The following PRICKLE2 variants were observed in gnomAD, a reference collection of about 807,000 sequenced individuals.
PRICKLE2 encodes the protein prickle planar cell polarity protein 2, also known as prickle-like protein 2.
Under a neutral mutation model 81.4 loss-of-function variants are expected in PRICKLE2, and 21 were observed. That is an observed-to-expected ratio of 0.26 (90% CI 0.18 to 0.37). The LOEUF (loss-of-function observed/expected upper bound fraction) is 0.37. PRICKLE2 is among the 10% of genes least tolerant of loss of function. The pLI is 1.00. For synonymous variants in PRICKLE2, 456 were observed against 421.5 expected, an observed-to-expected ratio of 1.08 and a Z score of -1.00; for missense variants, 940 against 1,109.0, an observed-to-expected ratio of 0.85 and a Z score of 2.16.
intron 2 of PRICKLE2, among the ~76,000 whole-genome samples, chr3:64,170,451 C>T (rs1047142473): frequency 1.3e-5 from 2 of 152,172 alleles, no homozygotes; most frequent in Non-Finnish European, 2.9e-5. Flanking sequence ...TGAGCTATTG[C>T]TGTGGCTACT....
In PRICKLE2 at chr3:64,213,006, C is replaced by T. The variant is rs1289780328; in HGVS notation, c.-41+11904G>A. On this transcript the variant is annotated intron_variant, in intron 1 of 7. Transcript: ENST00000638394. ...GAGCAAGGTAATTTCATTATTATCC[C>T]TACCAAAGGATTATGTATCCTTGAC... Among the ~76,000 whole-genome samples, 8 of 151,888 alleles carry T rather than the reference C, an allele frequency of 5.3e-5. No individual in the cohort carries two copies. The East Asian group carries it at 1.5e-3, about 29-fold the overall frequency.
chr3:64,250,679 G>C (rs575637220), intron 2 of PRICKLE2, among the ~76,000 whole-genome samples: 12 of 152,184 alleles, frequency 7.9e-5, no homozygotes, highest in Non-Finnish European at 1.6e-4. Flanking sequence ...TTGAGATGTT[G>C]AACCTTGCAA....
intron 7 of PRICKLE2, among the ~76,000 whole-genome samples, chr3:64,123,115 C>A (rs1241795450): frequency 6.6e-6 from 1 of 152,140 alleles, no homozygotes; most frequent in Non-Finnish European, 1.5e-5. Context: ...CTGATCCAGC[C>A]ATTAGAAGGA....
chr3:64,106,943 C>CATTT (rs1208462840), intron 7 of PRICKLE2, among the ~76,000 whole-genome samples: 3 of 152,186 alleles, frequency 2.0e-5, no homozygotes, highest in African/African-American at 7.2e-5. Context: ...GATATCAGGT[C>CATTT]ATTTCCCTCT....
At chr3:64,130,347 A>G (rs1404165772) in intron 7 of PRICKLE2, among the ~76,000 whole-genome samples, 1 of 152,164 alleles carries the variant, frequency 6.6e-6, no homozygotes, top group Non-Finnish European at 1.5e-5. Context: ...AGGTGGGGAA[A>G]TTCAGGTTCA....
chr3:64,134,758 G>A (rs2077252453), intron 7 of PRICKLE2, among the ~76,000 whole-genome samples: 1 of 151,332 alleles, frequency 6.6e-6, no homozygotes, highest in African/African-American at 2.4e-5. Flanking sequence ...TAGGCAAAGG[G>A]AATTTCCTCC....
Position 64,239,769 on chromosome 3 carries a change from G to A in PRICKLE2, c.129-40802C>T, listed in dbSNP as rs186971415. Among the ~76,000 whole-genome samples the A allele has an allele frequency of 7.9e-5, 12 of 151,900 alleles. No individual in the cohort carries two copies. In the East Asian group the frequency reaches 1.2e-3, roughly 15 times the overall value. ...AAATAATTATTAAGTGTAAGCATCC[G>A]TCTAATTTCTGAATCGATTTCCTTT... On this transcript the variant is annotated intron_variant, in intron 2 of 8. Coordinates refer to the PRICKLE2 transcript ENST00000295902.
chr3:64,229,025 C>G (rs1257016144), upstream of PRICKLE2, among the ~76,000 whole-genome samples: 1 of 152,098 alleles, frequency 6.6e-6, no homozygotes, highest in Non-Finnish European at 1.5e-5. Context: ...CTAAGCATGA[C>G]ACAAAATCCA....
chr3:64,165,832 T>C (rs1575609764), intron 2 of PRICKLE2, among the ~76,000 whole-genome samples: 1 of 152,178 alleles, frequency 6.6e-6, no homozygotes, highest in Non-Finnish European at 1.5e-5. Context: ...GCAGCAACAC[T>C]GCTGGCTTGT....
At chr3:64,174,205 G>GA (rs1324559990) in intron 2 of PRICKLE2, among the ~76,000 whole-genome samples, 2 of 152,200 alleles carry the variant, frequency 1.3e-5, no homozygotes, top group Admixed American at 1.3e-4. Flanking sequence ...CAGTATAGGA[G>GA]AAAGAAACTG....
chr3:64,108,431 A>T (rs1459772357), intron 7 of PRICKLE2, among the ~76,000 whole-genome samples: 2 of 152,130 alleles, frequency 1.3e-5, no homozygotes, highest in Non-Finnish European at 2.9e-5. Flanking sequence ...AGCTGGAGAG[A>T]TACTGTCATC....
At chr3:64,160,607 T>C (rs1189106054) in intron 3 of PRICKLE2, among the ~76,000 whole-genome samples, 1 of 152,068 alleles carries the variant, frequency 6.6e-6, no homozygotes, top group Non-Finnish European at 1.5e-5. Flanking sequence ...GCCTGAGGAG[T>C]TGGACCAGGC....
At chr3:64,262,785 T>C (rs2079636206) in intron 2 of PRICKLE2, among the ~76,000 whole-genome samples, 1 of 152,170 alleles carries the variant, frequency 6.6e-6, no homozygotes, top group African/African-American at 2.4e-5. Context: ...CCTTGACATC[T>C]CTTAACATAT....
At position 64,242,720 on chromosome 3, in the gene PRICKLE2, C is replaced by T. The variant is rs146835118; in HGVS notation, c.129-43753G>A. Among the ~76,000 whole-genome samples the T allele has an allele frequency of 1.5e-3, 225 of 152,356 alleles. 1 individual carries two copies. Among genetic ancestry groups the T allele is most frequent in the African/African-American group, 5.2e-3 (217 of 41,588 alleles). On this transcript the variant is annotated intron_variant, in intron 2 of 8. Coordinates refer to the PRICKLE2 transcript ENST00000295902. ...CTTTACAGCTGCTTCTCTTTGGGTA[C>T]ACTTCACCCACTCCAGTTCCTGTGT...
In PRICKLE2 at chr3:64,095,351, C is replaced by T. The variant is rs1047479537; in HGVS notation, c.*3700G>A. Reference sequence around the variant, plus strand: ...TGCTTCCTAAACTGTTTTTGTTCTACGGCAAGAGAACCAAGAGTGGAAAGA... The same window carrying T: ...TGCTTCCTAAACTGTTTTTGTTCTATGGCAAGAGAACCAAGAGTGGAAAGA... On this transcript the variant is annotated 3_prime_UTR_variant, in exon 8 of 8. Coordinates refer to ENST00000638394, the MANE Select transcript of PRICKLE2 (RefSeq NM_198859.4). 1.3e-5 allele frequency: 2 copies of T among 152,100 alleles called. No individual in the cohort carries two copies. Among genetic ancestry groups the T allele is most frequent in the African/African-American group, 2.4e-5 (1 of 41,408 alleles). 9.4% of individuals were successfully genotyped at this position (152,100 alleles called of 1,614,324 possible).
chr3:64,133,512 C>T (rs1312145882), intron 7 of PRICKLE2, among the ~76,000 whole-genome samples: 1 of 151,788 alleles, frequency 6.6e-6, no homozygotes, highest in Non-Finnish European at 1.5e-5. Context: ...GTTTCTCATC[C>T]ACAGACTCAG....
intron 2 of PRICKLE2, among the ~76,000 whole-genome samples, chr3:64,187,383 C>T (rs1303953986): frequency 6.6e-6 from 1 of 152,220 alleles, no homozygotes; most frequent in Non-Finnish European, 1.5e-5. Context: ...AAGCCTCCTC[C>T]TGCCCTGCCC....
chr3:64,114,217 C>G (rs140291713), intron 7 of PRICKLE2, among the ~76,000 whole-genome samples: 2 of 151,256 alleles, frequency 1.3e-5, no homozygotes, highest in African/African-American at 4.8e-5. Flanking sequence ...AAAAACCATG[C>G]AAAGGTCAGC....
rs2078511360 is a variant in PRICKLE2, at chr3:64,198,769, C to T, written c.144+15G>A. 3.1e-6 allele frequency: 5 copies of T among 1,613,816 alleles called. No homozygotes were observed. The highest frequency in any genetic ancestry group is 4.2e-6 in the Non-Finnish European group (5 of 1,179,806). On this transcript the variant is annotated intron_variant, in intron 2 of 7. Coordinates refer to ENST00000638394, the MANE Select transcript of PRICKLE2 (RefSeq NM_198859.4). ...AACACCCAAACCACCAGCATGCTCCCATCCAGAATGGTACCTGTTCAGGCT... is the reference window on the plus strand; with the variant it reads ...AACACCCAAACCACCAGCATGCTCCTATCCAGAATGGTACCTGTTCAGGCT...
Sources: allele counts gnomAD v4.1 joint callset (sites outside exome capture counted in the v4.1 genomes callset), GRCh38; gene constraint gnomAD v4.1.1; transcripts MANE v1.5; gene names NCBI Gene and HGNC (gene_info 2026-07-23, HGNC 2026-07-21).